Variants in ARHGEF3 observed in about 807,000 individuals in gnomAD.
The protein encoded by ARHGEF3 is Rho guanine nucleotide exchange factor 3, also known as 59.8 kDA protein.
In ARHGEF3, 28 loss-of-function variants were observed where a neutral mutation model predicts 63.2. The observed-to-expected ratio is 0.44, with a 90% CI of 0.33 to 0.61. The LOEUF (loss-of-function observed/expected upper bound fraction) is 0.61. Ranked by LOEUF, ARHGEF3 falls within the 20% of genes least tolerant of loss-of-function variation. The pLI is 0.03. For missense variants in ARHGEF3, 533 were observed against 659.3 expected, an observed-to-expected ratio of 0.81 and a Z score of 2.10; for synonymous variants, 266 against 254.2, an observed-to-expected ratio of 1.05 and a Z score of -0.44.
chr3:56,940,772 G>A (rs1699140525), intron 3 of ARHGEF3: 1 of 152,088 alleles, frequency 6.6e-6, no homozygotes, highest in South Asian at 2.1e-4. Flanking sequence ...CTAGTTATAT[G>A]GAGCTAATAT....
At chr3:56,975,137 G>C (rs1399054278) in intron 2 of ARHGEF3, among the ~76,000 whole-genome samples, 1 of 152,100 alleles carries the variant, frequency 6.6e-6, no homozygotes, top group East Asian at 1.9e-4. Flanking sequence ...ACCAGTTCTG[G>C]CTGAGTGCGG....
chr3:57,069,411 ATT>A (rs902616153), intron 1 of ARHGEF3, among the ~76,000 whole-genome samples: 6 of 147,812 alleles, frequency 4.1e-5, no homozygotes, highest in South Asian at 4.3e-4. Flanking sequence ...ACACACACAC[ATT>A]GTTTGTTTAA....
At chr3:57,055,237 C>A (rs956923478) in intron 1 of ARHGEF3, among the ~76,000 whole-genome samples, 4 of 150,272 alleles carry the variant, frequency 2.7e-5, no homozygotes, top group Admixed American at 2.7e-4. Context: ...TCTCAGCTCA[C>A]GGCAACTTCT....
intron 4 of ARHGEF3, among the ~76,000 whole-genome samples, chr3:56,847,507 C>A (rs1031625915): frequency 6.6e-6 from 1 of 152,104 alleles, no homozygotes; most frequent in Non-Finnish European, 1.5e-5. Context: ...TGGCATTATT[C>A]GAAAATAGTG....
At chr3:56,773,924 G>T in intron 1 of ARHGEF3, 108 bp from the exon 2 acceptor site, 2 of 866,490 alleles carry the variant, frequency 2.3e-6, no homozygotes, top group Non-Finnish European at 3.4e-6. Flanking sequence ...GTTGTACACT[G>T]ATCTATGGAA....
intron 4 of ARHGEF3, among the ~76,000 whole-genome samples, chr3:56,858,559 A>G (rs2039963851): frequency 6.6e-6 from 1 of 152,186 alleles, no homozygotes; most frequent in Non-Finnish European, 1.5e-5. Flanking sequence ...GGAGGAAGAC[A>G]GTCAACAAGA....
At chr3:56,832,107 A>AGCAGGGCTCTGAGCTGGACAAGCAG (rs1196482291) in intron 4 of ARHGEF3, among the ~76,000 whole-genome samples, 1 of 152,250 alleles carries the variant, frequency 6.6e-6, no homozygotes, top group Admixed American at 6.5e-5. Context: ...TAGCAGGCAA[A>AGCAGGGCTCTGAGCTGGACAAGCAG]GCAGGGCTCT....
chr3:56,735,059 G>A (rs1254934321), intron 8 of ARHGEF3, among the ~76,000 whole-genome samples: 2 of 152,102 alleles, frequency 1.3e-5, no homozygotes, highest in African/African-American at 2.4e-5. Flanking sequence ...CGAGGTGGAC[G>A]GATCACTTGA....
At chr3:57,051,074 T>C (rs759734694) in intron 1 of ARHGEF3, among the ~76,000 whole-genome samples, 4 of 152,202 alleles carry the variant, frequency 2.6e-5, no homozygotes, top group Non-Finnish European at 4.4e-5. Context: ...CAGGATGCTA[T>C]ATCAAACCCC....
At chr3:56,775,327 T>C (rs2036235476) in intron 1 of ARHGEF3, 1 of 1,175,692 alleles carries the variant, frequency 8.5e-7, no homozygotes, top group South Asian at 3.1e-5. Flanking sequence ...ATCAACAGCC[T>C]TCTTTGAAAT....
intron 2 of ARHGEF3, among the ~76,000 whole-genome samples, chr3:57,032,294 T>C (rs921503245): frequency 6.6e-6 from 1 of 152,242 alleles, no homozygotes; most frequent in Non-Finnish European, 1.5e-5. Flanking sequence ...CCTGTTCATA[T>C]GCTGGACAGG....
intron 3 of ARHGEF3, among the ~76,000 whole-genome samples, chr3:56,906,239 C>A (rs2108322211): frequency 6.6e-6 from 1 of 152,232 alleles, no homozygotes; most frequent in South Asian, 2.1e-4. Flanking sequence ...TAAAATGCAC[C>A]TCCTCAGCTG....
intron 2 of ARHGEF3, among the ~76,000 whole-genome samples, chr3:57,012,166 A>G (rs780813594): frequency 3.0e-4 from 46 of 152,350 alleles, no homozygotes; most frequent in Admixed American, 3.9e-4. Context: ...TATTACAACA[A>G]TGCAATCACA....
chr3:56,796,826 C>G (rs1239997943), intron 1 of ARHGEF3, among the ~76,000 whole-genome samples: 2 of 152,156 alleles, frequency 1.3e-5, no homozygotes, highest in African/African-American at 4.8e-5. Flanking sequence ...CTGTTCTGAG[C>G]CTGTTTCTTC....
At chr3:57,045,771 A>G (rs1370025540) in intron 1 of ARHGEF3, among the ~76,000 whole-genome samples, 8 of 152,226 alleles carry the variant, frequency 5.3e-5, no homozygotes, top group Non-Finnish European at 8.8e-5. Flanking sequence ...AGTGGCAGAC[A>G]TGCAAAATGG....
rs1579237845 is a variant in ARHGEF3, at chr3:57,079,069, G to T, written c.-28+157C>A. On this transcript the variant is annotated intron_variant, in intron 1 of 12. Transcript: ENST00000338458. The stretch of plus-strand genomic sequence containing the variant: ...GACCTAGCAGGGTAACTCGGAGGTG[G>T]GAGTGGGGGTCCAGCTCGGGGACCA... 4.1e-5 allele frequency: 13 copies of T among 318,516 alleles called. No individual in the cohort carries two copies. The East Asian group carries it at 5.8e-4, about 14-fold the overall frequency. 19.7% of individuals were successfully genotyped at this position (318,516 alleles called of 1,614,324 possible).
intron 2 of ARHGEF3, among the ~76,000 whole-genome samples, chr3:57,003,295 C>T (rs1054279255): frequency 6.4e-5 from 9 of 140,156 alleles, no homozygotes; most frequent in African/African-American, 2.4e-4. Context: ...CCCAGCTACT[C>T]GGGAGGCTAA....
intron 1 of ARHGEF3, among the ~76,000 whole-genome samples, chr3:57,055,513 A>G (rs1202257281): frequency 6.6e-6 from 1 of 152,048 alleles, no homozygotes; most frequent in East Asian, 1.9e-4. Flanking sequence ...GCCTCATCTC[A>G]TGTAGAAATT....
At chr3:56,737,111 A>C (rs1459015542) in intron 8 of ARHGEF3, 74 bp downstream of exon 8, 1 of 1,408,186 alleles carries the variant, frequency 7.1e-7, no homozygotes, top group Non-Finnish European at 9.6e-7. Flanking sequence ...AGAAATTCTA[A>C]GAGGAGGCTC....
Sources: gnomAD v4.1 joint callset for allele counts (sites outside exome capture counted in the v4.1 genomes callset) on GRCh38, gnomAD v4.1.1 for gene constraint, MANE v1.5 for transcripts, NCBI Gene and HGNC (gene_info 2026-07-23, HGNC 2026-07-21) for gene names.